The following AATK variants were observed in gnomAD, a reference collection of about 807,000 sequenced individuals.
AATK encodes the protein serine/threonine-protein kinase LMTK1.
In AATK, 91 loss-of-function variants were observed where a neutral mutation model predicts 114.3. The ratio of observed to expected loss-of-function variants is 0.80; its 90% CI spans 0.67 to 0.95. The LOEUF is 0.95. Among genes scored for constraint, AATK ranks in the 40% least tolerant of loss-of-function variants. AATK has a pLI of 0.00. For missense variants in AATK, 2,176 were observed against 1,965.2 expected, an observed-to-expected ratio of 1.11 and a Z score of -2.03; for synonymous variants, 1,075 against 916.5, an observed-to-expected ratio of 1.17 and a Z score of -3.12.
chr17:81,121,021 C>A lies in AATK; in HGVS notation c.2915G>T (p.Gly972Val), dbSNP rs755015647. 3.1e-5 allele frequency: 50 copies of A among 1,609,874 alleles called. No individual in the cohort carries two copies. The highest frequency in any genetic ancestry group is 7.7e-5 in the South Asian group (7 of 90,360). Residue 972 changes from glycine to valine, a missense_variant, in exon 11 of 14, where the codon GGC (glycine) becomes GTC (valine). This residue lies in a region of AATK where 1,701 missense variants were observed against 1,394.7 expected (regional missense o/e 1.22). Transcript: ENST00000326724. ...GGAGAGCCGTGTCTCGGGCCCGGGG[C>A]CCTCACCCTCTGAGGCCAGCTCCGC... is the stretch of plus-strand genomic sequence containing the variant. Reference protein sequence around the residue: ...AFAELASEGEGPGPETRLSTS... With the variant: ...AFAELASEGEVPGPETRLSTS...
rs1358784866 is a variant in AATK at position 81,121,394 on chromosome 17, T to A, written c.2542A>T (p.Ser848Cys). The A allele has an allele frequency of 6.2e-7, 1 of 1,609,206 alleles. No individual in the cohort carries two copies. The highest frequency in any genetic ancestry group is 1.7e-5 in the Admixed American group (1 of 59,738). ...IKLASALNGS[S>C]SSPEVEAPSS... ...GGTGCCTCCACCTCGGGAGAGCTGCTGCTGCCATTCAGGGCAGAAGCCAGC... is the reference window on the plus strand; with the variant it reads ...GGTGCCTCCACCTCGGGAGAGCTGCAGCTGCCATTCAGGGCAGAAGCCAGC... The change falls in exon 11 of 14, where the codon AGC becomes TGC. Residue 848 changes from serine to cysteine, a missense_variant. Ser to Cys is a moderately radical substitution (Grantham distance 112). Around this residue, in one of 4 missense-constraint regions of AATK, gnomAD observed 1,701 missense variants for 1,394.7 expected, o/e 1.22. Coordinates refer to ENST00000326724, the MANE Select transcript of AATK (RefSeq NM_001080395.3).
At position 81,121,481 on chromosome 17, in the gene AATK, C is replaced by A; in HGVS notation, c.2455G>T (p.Ala819Ser). The A allele has an allele frequency of 1.9e-6, 3 of 1,568,210 alleles. No individual in the cohort carries two copies. Among genetic ancestry groups the A allele is most frequent in the Non-Finnish European group, 2.6e-6 (3 of 1,155,388 alleles). ...GGAGAGTCAGGCAGGGCATCAGGGG[C>A]GTCGGGGGCACTGGCCTCCTCCGAG... ...LPSEEASAPD[A>S]PDALPDSPTP... Residue 819 changes from alanine to serine, a missense_variant, in exon 11 of 14, where the codon GCC (alanine) becomes TCC (serine). This residue lies in a region of AATK where 1,701 missense variants were observed against 1,394.7 expected (regional missense o/e 1.22). Transcript: ENST00000326724.
rs989822492 is a variant in AATK, at chr17:81,120,291, G to A, written c.3645C>T (p.Ser1215=). 6.2e-6 allele frequency: 10 copies of A among 1,609,426 alleles called. No individual in the cohort carries two copies. Among genetic ancestry groups the A allele is most frequent in the Non-Finnish European group, 6.8e-6 (8 of 1,178,138 alleles). Residue 1215 remains serine, a synonymous_variant, in exon 11 of 14, where the codon AGC becomes AGT. Coordinates refer to ENST00000326724, the MANE Select transcript of AATK (RefSeq NM_001080395.3). ...RNLRSLLKMP[S]LLSETFCEDL... is the part of the protein sequence containing the mutation. ...CCTCGCAGAAGGTCTCGGACAGCAG[G>A]CTGGGCATCTTGAGCAGGCTGCGCA...
At chr17:81,148,708 T>G (rs1354220463) in intron 1 of AATK, among the ~76,000 whole-genome samples, 2 of 151,858 alleles carry the variant, frequency 1.3e-5, no homozygotes, top group Admixed American at 6.6e-5. Flanking sequence ...GGGCACACAC[T>G]TGCACACACA....
rs1385140306 is a variant in AATK at position 81,119,933 on chromosome 17, C to G, written c.3883+3G>C. On this transcript the variant is annotated splice_donor_region_variant and intron_variant, in intron 12 of 13. Coordinates refer to ENST00000326724, the MANE Select transcript of AATK (RefSeq NM_001080395.3). ...TCACGGGCCCAGCCCCGCCCCTGCT[C>G]ACCCTCTTCCGCTGTGGAGCCATTT... 6 of 1,436,738 alleles carry G rather than the reference C, an allele frequency of 4.2e-6. No homozygotes were observed. Among genetic ancestry groups the G allele is most frequent in the Non-Finnish European group, 5.5e-6 (6 of 1,097,440 alleles). The allele number at this position is 1,436,738 out of a possible 1,614,324, so 89.0% of individuals were successfully genotyped here. A position where few individuals can be genotyped will look rare whatever the true frequency, so the allele number is the denominator to read the frequency against.
chr17:81,153,381 T>G (rs1337767498), intron 1 of AATK, among the ~76,000 whole-genome samples: 1 of 152,222 alleles, frequency 6.6e-6, no homozygotes, highest in East Asian at 1.9e-4. Flanking sequence ...TTTGAAGATG[T>G]CACCAATAAA....
chr17:81,128,618 C>CT, intron 3 of AATK, 69 bp from the exon 4 acceptor site: 1 of 1,541,602 alleles, frequency 6.5e-7, no homozygotes, highest in Non-Finnish European at 8.8e-7. Flanking sequence ...CACCCGGCCC[C>CT]TGGAGGGGCT....
intron 1 of AATK, among the ~76,000 whole-genome samples, chr17:81,152,847 T>G (rs1488481894): frequency 2.7e-5 from 4 of 150,056 alleles, no homozygotes; most frequent in African/African-American, 9.7e-5. Context: ...CTGCTGAATT[T>G]TTTTTTTTTT....
chr17:81,127,473 T>C, intron 6 of AATK, 110 bp downstream of exon 6: 1 of 1,129,308 alleles, frequency 8.9e-7, no homozygotes. Context: ...GGGTCTTGGC[T>C]TTAGGGAGGA....
At chr17:81,140,904 TGGGGCCGTGGGGCCGTGG>T (rs2061123896) in intron 1 of AATK, among the ~76,000 whole-genome samples, 2 of 46,386 alleles carry the variant, frequency 4.3e-5, no homozygotes, top group African/African-American at 9.4e-5. Flanking sequence ...CTGTGAGCCG[TGGGGCCGTGGGGCCGTGG>T]GACCGTGGGA....
chr17:81,154,177 T>C (rs111539665), intron 1 of AATK, among the ~76,000 whole-genome samples: 8 of 152,220 alleles, frequency 5.3e-5, no homozygotes, highest in African/African-American at 1.9e-4. Context: ...AAGCAGCTAC[T>C]CGTCGAAACG....
chr17:81,140,644 G>A (rs112899226), intron 1 of AATK, among the ~76,000 whole-genome samples: 5,820 of 118,236 alleles, frequency 0.049, 138 homozygotes, highest in South Asian at 0.096. Context: ...ATCAGAGACC[G>A]TGGGGCCGGG....
At chr17:81,142,427 C>T (rs1214040836) in intron 1 of AATK, among the ~76,000 whole-genome samples, 2 of 152,038 alleles carry the variant, frequency 1.3e-5, no homozygotes, top group Admixed American at 6.6e-5. Context: ...CTTGCACCAC[C>T]ACACCCGCTA....
Position 81,118,410 on chromosome 17 carries a change from C to T in AATK, c.4117G>A (p.Glu1373Lys). 6.2e-7 allele frequency: 1 copy of T among 1,608,294 alleles called. No homozygotes were observed. Among genetic ancestry groups the T allele is most frequent in the Non-Finnish European group, 8.5e-7 (1 of 1,178,122 alleles). ...CAGGAGCTGCCCAGGTCTCAAGCCT[C>T]TTTACTCTCACCCCCGGCACCAGCT... ...PEAGAGGESK[E>K]A The change falls in exon 14 of 14, where the codon GAG becomes AAG. Residue 1373 changes from glutamate to lysine, a missense_variant. By Grantham distance (56) the Glu-to-Lys change is moderately conservative. Coordinates refer to ENST00000326724, the MANE Select transcript of AATK (RefSeq NM_001080395.3).
chr17:81,165,830 C>T, intron 1 of AATK, 108 bp downstream of exon 1: 1 of 1,509,300 alleles, frequency 6.6e-7, no homozygotes, highest in Non-Finnish European at 8.9e-7. Flanking sequence ...GGGCTCGGGG[C>T]GGGGAAAGGG....
At chr17:81,158,977 A>G (rs964916172) in intron 1 of AATK, among the ~76,000 whole-genome samples, 2 of 152,184 alleles carry the variant, frequency 1.3e-5, no homozygotes, top group Admixed American at 6.5e-5. Context: ...CAAAGAGGAC[A>G]AGGCCACAGG....
At position 81,117,699 on chromosome 17, in the gene AATK, T is replaced by G. The variant is rs1197473769; in HGVS notation, c.*703A>C. ...TAGAACGGGGCCCACGGGGCAGGAGTACAGCCTGGAAGCCCCTCCACCCCT... is the reference window on the plus strand; with the variant it reads ...TAGAACGGGGCCCACGGGGCAGGAGGACAGCCTGGAAGCCCCTCCACCCCT... On this transcript the variant is annotated 3_prime_UTR_variant, in exon 14 of 14. Coordinates refer to ENST00000326724, the MANE Select transcript of AATK (RefSeq NM_001080395.3). The G allele has an allele frequency of 6.6e-6, 1 of 152,166 alleles. No homozygotes were observed. Among genetic ancestry groups the G allele is most frequent in the East Asian group, 1.9e-4 (1 of 5,168 alleles). The allele number at this position is 152,166 out of a possible 1,614,324, so 9.4% of individuals were successfully genotyped here. A position where few individuals can be genotyped will look rare whatever the true frequency, so the allele number is the denominator to read the frequency against.
chr17:81,165,802 C>G, intron 1 of AATK, 136 bp downstream of exon 1: 1 of 1,501,586 alleles, frequency 6.7e-7, no homozygotes, highest in Non-Finnish European at 8.9e-7. Flanking sequence ...GCCAGGGGGT[C>G]CGGCTGCTTC....
In AATK at chr17:81,143,515, C is replaced by A. The variant is rs1733857983; in HGVS notation, c.56-9014G>T. 5.7e-5 allele frequency among the ~76,000 whole-genome samples: 3 copies of A among 52,710 alleles called. No homozygotes were observed. The South Asian group carries it at 3.0e-3, about 52-fold the overall frequency. 34.6% of individuals were successfully genotyped at this position (52,710 alleles called of 152,430 possible). A position where few individuals can be genotyped will look rare whatever the true frequency, so the allele number is the denominator to read the frequency against. On this transcript the variant is annotated intron_variant, in intron 1 of 13. Coordinates refer to ENST00000326724, the MANE Select transcript of AATK (RefSeq NM_001080395.3). ...CTCCCGTGTCCACGCAGCCTCACTTCCCCCAGCCATGCAGCCCCCACCCCC... is the reference window on the plus strand; with the variant it reads ...CTCCCGTGTCCACGCAGCCTCACTTACCCCAGCCATGCAGCCCCCACCCCC...
Sources: allele counts gnomAD v4.1 joint callset (sites outside exome capture counted in the v4.1 genomes callset), GRCh38; gene constraint gnomAD v4.1.1; regional missense constraint gnomAD v4.1.1; transcripts MANE v1.5; gene names NCBI Gene and HGNC (gene_info 2026-07-23, HGNC 2026-07-21).